RPGRIP1: variants seen among roughly 807,000 people sequenced by gnomAD.
The protein encoded by RPGRIP1 is RPGR interacting protein 1, also known as X-linked retinitis pigmentosa GTPase regulator-interacting protein 1.
Under a neutral mutation model 157.9 loss-of-function variants are expected in RPGRIP1, and 128 were observed. The ratio of observed to expected loss-of-function variants is 0.81; its 90% confidence interval spans 0.70 to 0.94. The LOEUF (loss-of-function observed/expected upper bound fraction) is 0.94. Among genes scored for constraint, RPGRIP1 ranks in the 40% least tolerant of loss-of-function variants. RPGRIP1 has a pLI of 0.00. For synonymous variants in RPGRIP1, 554 were observed against 571.6 expected (o/e 0.97, Z 0.44); for missense variants, 1,486 against 1,545.8 (o/e 0.96, Z 0.65).
rs1016587836 is a variant in RPGRIP1 at position 21,301,218 on chromosome 14, G to T, written c.471G>T (p.Val157=). The change falls in exon 4 of 25, where the codon GTG becomes GTT. Residue 157 remains valine, a synonymous_variant. Transcript: ENST00000400017. ...AGCTCCACACAGCCGGTGCACCGGT[G>T]CCGGAGAAACCCAAGAGGGGTGAGA... ...HRQLHTAGAP[V]PEKPKRGPRD... The T allele has an allele frequency of 6.3e-7, 1 of 1,590,674 alleles. No individual in the cohort carries two copies. The highest frequency in any genetic ancestry group is 8.6e-7 in the Non-Finnish European group (1 of 1,169,550).
rs1249911932 is a variant in RPGRIP1 at position 21,324,897 on chromosome 14, A to G, written c.2042A>G (p.Gln681Arg). 1.9e-6 allele frequency: 3 copies of G among 1,614,014 alleles called. No homozygotes were observed. The change falls in exon 15 of 25, where the codon CAG becomes CGG. Residue 681 changes from glutamine to arginine, a missense_variant. Physicochemically the swap from Gln to Arg is conservative, Grantham distance 43. Transcript: ENST00000400017. Reference sequence around the variant, plus strand: ...CAGCCCCTCTATGACTTCACCTCCCAGTATGTGATGGAGACAGATTCGCTT... The same window carrying G: ...CAGCCCCTCTATGACTTCACCTCCCGGTATGTGATGGAGACAGATTCGCTT... ...GPQPLYDFTS[Q>R]YVMETDSLFL...
chr14:21,335,359 A>G (rs7145002), intron 21 of RPGRIP1, among the ~76,000 whole-genome samples: 144,731 of 152,030 alleles, frequency 0.95, 69,009 homozygotes, highest in East Asian at 1. Flanking sequence ...CATCTAAGGA[A>G]AACGGGTTTG....
At chr14:21,311,700 A>G in intron 8 of RPGRIP1, 124 bp from the exon 9 acceptor site, 2 of 726,618 alleles carry the variant, frequency 2.8e-6, no homozygotes, top group Non-Finnish European at 4.5e-6. Context: ...TACAAAGGTA[A>G]TAAGCTATTA....
intron 2 of RPGRIP1, among the ~76,000 whole-genome samples, chr14:21,290,680 C>G (rs1462525691): frequency 6.6e-6 from 1 of 151,988 alleles, no homozygotes; most frequent in Non-Finnish European, 1.5e-5. Flanking sequence ...TTAGCCAGGC[C>G]TGGTGGCGGG....
chr14:21,326,176 G>A lies in RPGRIP1; in HGVS notation c.2710+3G>A. On this transcript the variant is annotated splice_donor_region_variant and intron_variant, in intron 17 of 24. Transcript: ENST00000400017. ...TGCAAAAAATGAATCTATCAAAGGT[G>A]GGAGTTCGAGGTTATTACATCTTCA... The A allele has an allele frequency of 1.9e-6, 3 of 1,548,964 alleles. No individual in the cohort carries two copies. The South Asian group carries it at 3.7e-5, about 19-fold the overall frequency.
chr14:21,333,145 C>T (rs545344219), intron 20 of RPGRIP1, among the ~76,000 whole-genome samples: 8 of 152,244 alleles, frequency 5.3e-5, no homozygotes, highest in East Asian at 1.9e-4. Context: ...AGTTAGTACT[C>T]GCAAGAAGCT....
At chr14:21,286,448 G>C (rs1880303417) in intron 1 of RPGRIP1, among the ~76,000 whole-genome samples, 1 of 151,414 alleles carries the variant, frequency 6.6e-6, no homozygotes, top group South Asian at 2.1e-4. Flanking sequence ...AATTCCTGTT[G>C]GGGAAAAGTG....
intron 10 of RPGRIP1, among the ~76,000 whole-genome samples, chr14:21,315,399 C>T (rs1462423483): frequency 4.6e-4 from 68 of 149,144 alleles, no homozygotes; most frequent in African/African-American, 1.2e-3. Flanking sequence ...CCCAGCTACT[C>T]GGGAGGCTGA....
chr14:21,296,223 TCCCG>T (rs1439205395), intron 3 of RPGRIP1, among the ~76,000 whole-genome samples: 1 of 151,810 alleles, frequency 6.6e-6, no homozygotes, highest in Non-Finnish European at 1.5e-5. Context: ...TGCCTCAGCC[TCCCG>T]AGTAGCTGGG....
intron 2 of RPGRIP1, among the ~76,000 whole-genome samples, chr14:21,293,133 C>T (rs1428618807): frequency 6.6e-6 from 1 of 151,938 alleles, no homozygotes; most frequent in Admixed American, 6.6e-5. Context: ...GCAAAAAGAG[C>T]GAAACTCTGT....
intron 3 of RPGRIP1, among the ~76,000 whole-genome samples, chr14:21,300,053 T>C (rs1343556041): frequency 6.6e-6 from 1 of 152,158 alleles, no homozygotes; most frequent in African/African-American, 2.4e-5. Flanking sequence ...CCCAACACTT[T>C]GGGAGGCCAA....
At chr14:21,292,257 T>G (rs1330378754) in intron 2 of RPGRIP1, among the ~76,000 whole-genome samples, 1 of 152,162 alleles carries the variant, frequency 6.6e-6, no homozygotes, top group African/African-American at 2.4e-5. Flanking sequence ...TTCTTCCTAG[T>G]GACCTTACCT....
chr14:21,345,190 C>A lies in RPGRIP1; in HGVS notation c.3610C>A (p.Gln1204Lys). The change falls in exon 23 of 25, where the codon CAA becomes AAA. Residue 1204 changes from glutamine to lysine, a missense_variant. Coordinates refer to ENST00000400017, the MANE Select transcript of RPGRIP1 (RefSeq NM_020366.4). ...FDMLNGQDPD[Q>K]GHLKFTVVSD... Reference sequence around the variant, plus strand: ...CATGCTGAATGGACAAGATCCTGATCAAGGACAGTAAGCATCTGCTTTCCA... The same window carrying A: ...CATGCTGAATGGACAAGATCCTGATAAAGGACAGTAAGCATCTGCTTTCCA... 2 of 1,611,214 alleles carry A rather than the reference C, an allele frequency of 1.2e-6. No homozygotes were observed. The highest frequency in any genetic ancestry group is 1.1e-5 in the South Asian group (1 of 90,730).
At chr14:21,348,368 ATCT>A in intron 24 of RPGRIP1, 66 bp downstream of exon 24, 1 of 1,203,332 alleles carries the variant, frequency 8.3e-7, no homozygotes, top group Non-Finnish European at 1.2e-6. Flanking sequence ...AATATATTTT[ATCT>A]TCAATACATA....
intron 1 of RPGRIP1, among the ~76,000 whole-genome samples, chr14:21,282,427 G>A (rs1375250660): frequency 1.3e-5 from 2 of 151,498 alleles, no homozygotes; most frequent in Non-Finnish European, 2.9e-5. Flanking sequence ...TAGTAGAGAC[G>A]GGGTTTCACT....
chr14:21,312,912 A>C (rs1358840269), intron 10 of RPGRIP1, among the ~76,000 whole-genome samples: 2 of 152,060 alleles, frequency 1.3e-5, no homozygotes, highest in South Asian at 2.1e-4. Flanking sequence ...GGCTTACTGC[A>C]GCCCCAGTCT....
intron 10 of RPGRIP1, among the ~76,000 whole-genome samples, chr14:21,315,814 T>TC (rs1881768399): frequency 6.6e-6 from 1 of 151,492 alleles, no homozygotes; most frequent in African/African-American, 2.4e-5. Context: ...TTATTTTTTT[T>TC]TTGAGGCAGA....
intron 21 of RPGRIP1, among the ~76,000 whole-genome samples, chr14:21,340,001 A>G (rs1884824379): frequency 6.6e-6 from 1 of 152,168 alleles, no homozygotes; most frequent in African/African-American, 2.4e-5. Flanking sequence ...GAACTAGGAT[A>G]GGTGTTGAGG....
chr14:21,310,828 T>C (rs1881511047), intron 8 of RPGRIP1: 15 of 680,394 alleles, frequency 2.2e-5, no homozygotes, highest in Non-Finnish European at 3.3e-5. Context: ...AAATTGTAGT[T>C]GAGAAATATT....
Sources: allele counts gnomAD v4.1 joint callset (sites outside exome capture counted in the v4.1 genomes callset), GRCh38; gene constraint gnomAD v4.1.1; transcripts MANE v1.5; gene names NCBI Gene and HGNC (gene_info 2026-07-23, HGNC 2026-07-21).